GLI2: variants seen among roughly 807,000 people sequenced by gnomAD.
GLI2 encodes the protein transcription activator GLI2.
GLI2 carries 22 observed loss-of-function variants against 78.9 expected under a neutral mutation model. The ratio of observed to expected loss-of-function variants is 0.28; its 90% CI spans 0.20 to 0.40. The LOEUF is 0.40. Among genes scored for constraint, GLI2 ranks in the 10% least tolerant of loss-of-function variants. The probability of loss-of-function intolerance (pLI) is 1.00; values close to 1 mark genes in which losing one functional copy is unlikely to be tolerated. For missense variants in GLI2, 2,097 were observed against 2,213.2 expected (o/e 0.95, Z 1.05); for synonymous variants, 974 against 963.7 (o/e 1.01, Z -0.20).
At chr2:120,868,195 A>T (rs1688245671) in intron 2 of GLI2, among the ~76,000 whole-genome samples, 1 of 152,222 alleles carries the variant, frequency 6.6e-6, no homozygotes, top group South Asian at 2.1e-4. Flanking sequence ...CCAGACAAGA[A>T]GCTTTATTGT....
At position 120,967,423 on chromosome 2, in the gene GLI2, A is replaced by G. The variant is rs146691433; in HGVS notation, c.644-1291A>G. 1.5e-3 allele frequency among the ~76,000 whole-genome samples: 225 copies of G among 152,350 alleles called. 1 individual carries two copies. The highest frequency in any genetic ancestry group is 5.2e-3 in the African/African-American group (215 of 41,590). ...CTTGGCTTGTGGAGAGTCATCCAGCAGTGTTGTCAGACCATTTCTAGGCCA... is the reference window on the plus strand; with the variant it reads ...CTTGGCTTGTGGAGAGTCATCCAGCGGTGTTGTCAGACCATTTCTAGGCCA... On this transcript the variant is annotated intron_variant, in intron 5 of 13. Transcript: ENST00000361492.
At chr2:120,921,378 T>C (rs1203920217) in intron 2 of GLI2, among the ~76,000 whole-genome samples, 7 of 152,044 alleles carry the variant, frequency 4.6e-5, no homozygotes, top group African/African-American at 1.7e-4. Context: ...TCATTATACA[T>C]ACAGGGCCAC....
At chr2:120,862,566 C>T (rs921510281) in intron 2 of GLI2, among the ~76,000 whole-genome samples, 4 of 152,166 alleles carry the variant, frequency 2.6e-5, no homozygotes, top group African/African-American at 7.2e-5. Flanking sequence ...CTGTGGGAGC[C>T]GGAGCCCTTG....
intron 2 of GLI2, among the ~76,000 whole-genome samples, chr2:120,802,289 C>A (rs558765382): frequency 1.3e-5 from 2 of 152,264 alleles, no homozygotes. Context: ...TGGGCTGGAC[C>A]GAGCTGGACC....
chr2:120,810,923 G>A (rs1430977401), intron 2 of GLI2, among the ~76,000 whole-genome samples: 1 of 152,226 alleles, frequency 6.6e-6, no homozygotes, highest in Non-Finnish European at 1.5e-5. Context: ...AGTTGCTGAT[G>A]TGTGCCTGAT....
At chr2:120,835,799 T>G (rs893461517) in intron 2 of GLI2, among the ~76,000 whole-genome samples, 15 of 152,060 alleles carry the variant, frequency 9.9e-5, no homozygotes, top group African/African-American at 3.6e-4. Context: ...TGTGCGTTTG[T>G]GTGTGTGTAT....
At chr2:120,815,515 G>C (rs1377578137) in intron 2 of GLI2, among the ~76,000 whole-genome samples, 1 of 152,196 alleles carries the variant, frequency 6.6e-6, no homozygotes, top group African/African-American at 2.4e-5. Context: ...TGGCTCAGCC[G>C]TCTTGCTGTG....
chr2:120,945,484 T>C (rs1457715704), intron 3 of GLI2, among the ~76,000 whole-genome samples: 1 of 152,162 alleles, frequency 6.6e-6, no homozygotes, highest in East Asian at 1.9e-4. Context: ...GCCCGAGCAC[T>C]TATGGCTGGG....
rs1211865313 is a variant in GLI2, at chr2:120,735,928, T to C, written c.-388T>C. 6.6e-6 allele frequency among the ~76,000 whole-genome samples: 1 copy of C among 151,634 alleles called. No homozygotes were observed. ...CGAGGCAGCACGGCTCCGCGGACTTTTTTTCAAACTCCCATCAATGAGACT... is the reference window on the plus strand; with the variant it reads ...CGAGGCAGCACGGCTCCGCGGACTTCTTTTCAAACTCCCATCAATGAGACT... On this transcript the variant is annotated 5_prime_UTR_variant, in exon 1 of 14. Coordinates refer to ENST00000361492, the MANE Select transcript of GLI2 (RefSeq NM_001374353.1).
At chr2:120,955,487 GAGA>G in intron 5 of GLI2, 57 bp downstream of exon 5, 1 of 1,166,648 alleles carries the variant, frequency 8.6e-7, no homozygotes, top group South Asian at 1.5e-5. Flanking sequence ...TCTTGAGGCT[GAGA>G]AGGTCACTCG....
chr2:120,854,082 A>G (rs1445417866), intron 2 of GLI2, among the ~76,000 whole-genome samples: 2 of 152,152 alleles, frequency 1.3e-5, no homozygotes. Context: ...CCTGCCCTCA[A>G]ACTGCTCACA....
At chr2:120,974,718 C>T (rs962864661) in intron 8 of GLI2, among the ~76,000 whole-genome samples, 2 of 152,152 alleles carry the variant, frequency 1.3e-5, no homozygotes, top group African/African-American at 4.8e-5. Context: ...CAGGACAGGC[C>T]ATCTGACAAG....
chr2:120,783,466 A>G (rs1166112143), intron 1 of GLI2, among the ~76,000 whole-genome samples: 1 of 151,950 alleles, frequency 6.6e-6, no homozygotes, highest in Non-Finnish European at 1.5e-5. Context: ...GAGCGTTCTC[A>G]TTTCCTCTCC....
Position 120,955,447 on chromosome 2 carries a change from A to G in GLI2, c.643+17A>G. 2 of 1,519,914 alleles carry G rather than the reference A, an allele frequency of 1.3e-6. No individual in the cohort carries two copies. The highest frequency in any genetic ancestry group is 1.8e-6 in the Non-Finnish European group (2 of 1,114,962). 94.2% of individuals were successfully genotyped at this position (1,519,914 alleles called of 1,614,324 possible). A position where few individuals can be genotyped will look rare whatever the true frequency, so the allele number is the denominator to read the frequency against. On this transcript the variant is annotated intron_variant, in intron 5 of 13. Coordinates refer to ENST00000361492, the MANE Select transcript of GLI2 (RefSeq NM_001374353.1). ...CCGTGGACGGTGAGTGCTGGCCCCC[A>G]GGGGCTGAGGATGGGGCTAGCAGAT... is the stretch of plus-strand genomic sequence containing the variant.
intron 5 of GLI2, among the ~76,000 whole-genome samples, chr2:120,961,576 G>A (rs111241582): frequency 1.1e-3 from 166 of 152,290 alleles, no homozygotes; most frequent in Middle Eastern, 3.4e-3. Context: ...TAGCTAGGCC[G>A]TGGTCCTGGC....
chr2:120,811,323 C>T (rs896465278), intron 2 of GLI2, among the ~76,000 whole-genome samples: 6 of 152,170 alleles, frequency 3.9e-5, no homozygotes, highest in Non-Finnish European at 4.4e-5. Context: ...TCTATCCCCC[C>T]AGCCTCATTC....
At chr2:120,956,986 A>C (rs1009540745) in intron 5 of GLI2, among the ~76,000 whole-genome samples, 2 of 152,172 alleles carry the variant, frequency 1.3e-5, no homozygotes, top group East Asian at 3.9e-4. Context: ...TGCCCCCCTC[A>C]GTCACTGGGA....
chr2:120,968,446 A>G (rs1336573243), intron 5 of GLI2, among the ~76,000 whole-genome samples: 1 of 152,214 alleles, frequency 6.6e-6, no homozygotes, highest in Non-Finnish European at 1.5e-5. Context: ...TAAATACACT[A>G]TGCTCAGTGC....
intron 2 of GLI2, among the ~76,000 whole-genome samples, chr2:120,887,281 A>G (rs1677457843): frequency 6.6e-6 from 1 of 152,172 alleles, no homozygotes; most frequent in African/African-American, 2.4e-5. Flanking sequence ...CTTCCTGCAA[A>G]TATGCAGCTC....
Sources: allele counts gnomAD v4.1 joint callset (sites outside exome capture counted in the v4.1 genomes callset), GRCh38; gene constraint gnomAD v4.1.1; transcripts MANE v1.5; gene names NCBI Gene and HGNC (gene_info 2026-07-23, HGNC 2026-07-21).